The following ZBTB34 variants were observed in gnomAD, a reference collection of about 807,000 sequenced individuals.
ZBTB34 encodes zinc finger and BTB domain containing 34.
Under a neutral mutation model 33.4 loss-of-function variants are expected in ZBTB34, and 1 was observed. The observed-to-expected ratio is 0.03, with a 90% confidence interval of 0.01 to 0.14. The LOEUF (loss-of-function observed/expected upper bound fraction) is 0.14. Among genes scored for constraint, ZBTB34 ranks in the 10% least tolerant of loss-of-function variants. The probability of loss-of-function intolerance (pLI) is 1.00; values close to 1 mark genes in which losing one functional copy is unlikely to be tolerated. For synonymous variants in ZBTB34, 283 were observed against 253.5 expected (o/e 1.12, Z -1.11); for missense variants, 406 against 657.2 (o/e 0.62, Z 4.18).
chr9:126,869,308 C>T (rs980091562), intron 1 of ZBTB34, among the ~76,000 whole-genome samples: 9 of 151,308 alleles, frequency 5.9e-5, no homozygotes, highest in Admixed American at 2.0e-4. Context: ...GATACGCACA[C>T]TTCAGAAGGG....
intron 1 of ZBTB34, among the ~76,000 whole-genome samples, chr9:126,869,264 C>T (rs1469854690): frequency 6.9e-6 from 1 of 144,316 alleles, no homozygotes; most frequent in Non-Finnish European, 1.5e-5. Context: ...AGGTCCAGCT[C>T]GCTAGGGATA....
intron 1 of ZBTB34, among the ~76,000 whole-genome samples, chr9:126,878,237 A>AG (rs1032451234): frequency 2.0e-5 from 3 of 150,682 alleles, no homozygotes; most frequent in African/African-American, 7.3e-5. Context: ...TGGGAGGCCG[A>AG]GGGGAGCAGA....
At position 126,874,371 on chromosome 9, in the gene ZBTB34, A is replaced by G. The variant is rs182081374; in HGVS notation, c.-10-5019A>G. ...GGCCTCTGCTATGTATGTTCTAGGTATTTTTATTGTTTTCTACCTCGGTGT... is the reference window on the plus strand; with the variant it reads ...GGCCTCTGCTATGTATGTTCTAGGTGTTTTTATTGTTTTCTACCTCGGTGT... On this transcript the variant is annotated intron_variant, in intron 1 of 1. Transcript: ENST00000319119. Among the ~76,000 whole-genome samples, 1,119 of 151,734 alleles carry G rather than the reference A, an allele frequency of 7.4e-3. 4 individuals are homozygous for G. The highest frequency in any genetic ancestry group is 0.011 in the Non-Finnish European group (747 of 67,918).
rs2033422500 is a variant in ZBTB34 at position 126,880,446 on chromosome 9, C to T, written c.1047C>T (p.Ala349=). The T allele has an allele frequency of 5.6e-6, 9 of 1,613,556 alleles. No individual in the cohort carries two copies. Among genetic ancestry groups the T allele is most frequent in the Non-Finnish European group, 7.6e-6 (9 of 1,179,874 alleles). Residue 349 remains alanine, a synonymous_variant, in exon 2 of 2, where the codon GCC becomes GCT. Transcript: ENST00000319119. This position sits in a 1 kb window ranked among gnomAD's most constrained non-coding sequence, Gnocchi z 6.7. ...TGGTGCAGGGCTCTGACAGTGAAGC[C>T]ATGATGAACAACCCCGGGTATGAGA... is the stretch of plus-strand genomic sequence containing the variant.
At chr9:126,873,776 T>C (rs1457830550) in intron 1 of ZBTB34, among the ~76,000 whole-genome samples, 1 of 151,036 alleles carries the variant, frequency 6.6e-6, no homozygotes, top group African/African-American at 2.4e-5. Flanking sequence ...AGCTAATTTT[T>C]GTATTTTTAG....
intron 1 of ZBTB34, among the ~76,000 whole-genome samples, chr9:126,861,934 C>T (rs1212299908): frequency 6.6e-6 from 1 of 152,140 alleles, no homozygotes; most frequent in Non-Finnish European, 1.5e-5. Context: ...TGCTTGCTTG[C>T]TTATTAAATG....
chr9:126,870,973 C>G lies in ZBTB34; in HGVS notation c.-10-8417C>G, dbSNP rs574801780. On this transcript the variant is annotated intron_variant, in intron 1 of 1. Coordinates refer to ENST00000319119, the Ensembl canonical transcript of ZBTB34. ...CAAAACAATGAGGTACATCTTTCAC[C>G]TATCAGTTTGGCTGAAAAAGTGAAA... 5.3e-5 allele frequency among the ~76,000 whole-genome samples: 8 copies of G among 152,114 alleles called. No homozygotes were observed. The East Asian group carries it at 1.5e-3, about 29-fold the overall frequency.
chr9:126,869,441 C>A (rs1007170322), intron 1 of ZBTB34, among the ~76,000 whole-genome samples: 1 of 152,032 alleles, frequency 6.6e-6, no homozygotes, highest in Admixed American at 6.5e-5. Context: ...GCCTTACTTA[C>A]GACATGCCTG....
chr9:126,861,726 G>T (rs2119201713), intron 1 of ZBTB34, among the ~76,000 whole-genome samples: 1 of 152,192 alleles, frequency 6.6e-6, no homozygotes, highest in Non-Finnish European at 1.5e-5. Flanking sequence ...ACATTCCGCC[G>T]AGTTTTTGCA....
chr9:126,862,906 G>A (rs1588382711), intron 1 of ZBTB34, among the ~76,000 whole-genome samples: 1 of 88,196 alleles, frequency 1.1e-5, no homozygotes, highest in South Asian at 4.6e-4. Context: ...GTTTTGTTTT[G>A]TAATTTGCCT....
intron 1 of ZBTB34, among the ~76,000 whole-genome samples, chr9:126,861,198 G>T (rs887499486): frequency 2.6e-5 from 4 of 152,206 alleles, no homozygotes; most frequent in Admixed American, 2.0e-4. Context: ...TCGGGTGGCT[G>T]CCACGGAGCC....
chr9:126,878,559 A>G (rs538962691), intron 1 of ZBTB34, among the ~76,000 whole-genome samples: 47 of 152,204 alleles, frequency 3.1e-4, no homozygotes, highest in African/African-American at 1.1e-3. Flanking sequence ...AAAGAGATAT[A>G]AAGGTGTACA....
intron 1 of ZBTB34, among the ~76,000 whole-genome samples, chr9:126,867,390 A>G (rs902847775): frequency 5.3e-5 from 8 of 151,002 alleles, no homozygotes; most frequent in Non-Finnish European, 1.2e-4. Context: ...TTTGTATTTC[A>G]AACGTCTTTA....
chr9:126,862,546 A>T (rs1189877778), intron 1 of ZBTB34, among the ~76,000 whole-genome samples: 2 of 152,160 alleles, frequency 1.3e-5, no homozygotes, highest in Non-Finnish European at 2.9e-5. Context: ...GAACTGAGTT[A>T]GTTACGGCTT....
intron 1 of ZBTB34, among the ~76,000 whole-genome samples, chr9:126,867,447 CTT>C (rs201325256): frequency 2.5e-5 from 3 of 119,492 alleles, no homozygotes; most frequent in South Asian, 2.8e-4. Flanking sequence ...TGTCATTTTT[CTT>C]TTTTTTTTTT....
intron 1 of ZBTB34, among the ~76,000 whole-genome samples, chr9:126,872,712 A>C (rs1241576565): frequency 6.6e-6 from 1 of 152,128 alleles, no homozygotes; most frequent in Non-Finnish European, 1.5e-5. Context: ...ATTAACTGTA[A>C]GTTCACTATG....
chr9:126,869,427 C>T (rs2033249854), intron 1 of ZBTB34, among the ~76,000 whole-genome samples: 1 of 152,090 alleles, frequency 6.6e-6, no homozygotes, highest in South Asian at 2.1e-4. Flanking sequence ...ATACTGCGTC[C>T]TAAGCCTTAC....
At chr9:126,881,288 T>C (rs1044045506) in exon 2 of ZBTB34, 3 of 177,822 alleles carry the variant, frequency 1.7e-5, no homozygotes, top group Non-Finnish European at 4.0e-5. Flanking sequence ...GGAGGGAGAT[T>C]AGGATGCCGT....
intron 1 of ZBTB34, among the ~76,000 whole-genome samples, chr9:126,873,582 A>G (rs572847469): frequency 6.6e-6 from 1 of 151,942 alleles, no homozygotes; most frequent in African/African-American, 2.4e-5. Flanking sequence ...ATGTTTGTTT[A>G]CTGATGAAGT....
Sources: allele counts gnomAD v4.1 joint callset (sites outside exome capture counted in the v4.1 genomes callset), GRCh38; gene constraint gnomAD v4.1.1; non-coding constraint Gnocchi (gnomAD v3.1); transcripts MANE v1.5; gene names NCBI Gene and HGNC (gene_info 2026-07-23, HGNC 2026-07-21).